AGBL4: variants seen among roughly 807,000 people sequenced by gnomAD.
The protein encoded by AGBL4 is AGBL carboxypeptidase 4.
AGBL4 carries 58 observed loss-of-function variants against 66.4 expected under a neutral mutation model. The ratio of observed to expected loss-of-function variants is 0.87; its 90% CI spans 0.71 to 1.09. The LOEUF is 1.09. AGBL4 is among the 50% of genes least tolerant of loss of function. The probability of loss-of-function intolerance (pLI) is 0.00; values close to 1 mark genes in which losing one functional copy is unlikely to be tolerated. For missense variants in AGBL4, 579 were observed against 631.0 expected, an observed-to-expected ratio of 0.92 and a Z score of 0.88; for synonymous variants, 234 against 222.9, an observed-to-expected ratio of 1.05 and a Z score of -0.44.
chr1:49,264,640 G>A (rs11205616), intron 3 of AGBL4, among the ~76,000 whole-genome samples: 4 of 151,902 alleles, frequency 2.6e-5, no homozygotes, highest in Non-Finnish European at 5.9e-5. Flanking sequence ...CTGCCTCCCA[G>A]GTGCAAGCAA....
At position 50,001,303 on chromosome 1, in the gene AGBL4, A is replaced by G. The variant is rs966654178; in HGVS notation, c.34+22460T>C. 6.2e-4 allele frequency among the ~76,000 whole-genome samples: 94 copies of G among 151,422 alleles called. 1 individual carries two copies. Among genetic ancestry groups the G allele is most frequent in the African/African-American group, 2.2e-3 (91 of 41,364 alleles). On this transcript the variant is annotated intron_variant, in intron 1 of 13. Coordinates refer to ENST00000371839, the MANE Select transcript of AGBL4 (RefSeq NM_032785.4). ...GGAGTAAGTAGACTAAGTAAACCCA[A>G]ATTAAGAGATAAAGCCTGATAGTAG...
chr1:49,808,679 T>G (rs1157829313), intron 2 of AGBL4, among the ~76,000 whole-genome samples: 2 of 152,196 alleles, frequency 1.3e-5, no homozygotes, highest in Admixed American at 6.6e-5. Context: ...TCCTAAATAC[T>G]TATAAATATT....
chr1:48,688,014 T>C (rs529462140), intron 6 of AGBL4, among the ~76,000 whole-genome samples: 2 of 152,336 alleles, frequency 1.3e-5, no homozygotes, highest in South Asian at 2.1e-4. Context: ...TTCACTAGAA[T>C]ATAGGCTTTA....
At chr1:49,240,551 CTTTT>C (rs34162300) in intron 4 of AGBL4, among the ~76,000 whole-genome samples, 1 of 123,710 alleles carries the variant, frequency 8.1e-6, no homozygotes, top group Admixed American at 8.2e-5. Flanking sequence ...ACTGCATTTT[CTTTT>C]TTTTTTTTTT....
At chr1:49,881,802 AG>A (rs1647352796) in intron 1 of AGBL4, among the ~76,000 whole-genome samples, 1 of 151,360 alleles carries the variant, frequency 6.6e-6, no homozygotes, top group Non-Finnish European at 1.5e-5. Flanking sequence ...TTGTCAGATG[AG>A]TAGGTTGCGA....
rs1249778739 is a variant in AGBL4, at chr1:49,003,398, C to CA, written c.594+42185dup. ...GGGCAACAAGAGCGAAACTCTATCT[C>CA]AAAAAAATAAATACATACATACAAA... On this transcript the variant is annotated intron_variant, in intron 5 of 13. Transcript: ENST00000371839. Among the ~76,000 whole-genome samples the CA allele has an allele frequency of 7.3e-4, 110 of 151,490 alleles. 1 individual carries two copies. Among genetic ancestry groups the CA allele is most frequent in the Non-Finnish European group, 1.2e-4 (8 of 67,868 alleles).
intron 2 of AGBL4, among the ~76,000 whole-genome samples, chr1:49,767,270 A>G (rs991884754): frequency 6.6e-6 from 1 of 152,124 alleles, no homozygotes; most frequent in Non-Finnish European, 1.5e-5. Flanking sequence ...TTTGGGCCAC[A>G]GTGGAATAAA....
At chr1:48,649,093 TG>T (rs1158759394) in intron 8 of AGBL4, among the ~76,000 whole-genome samples, 4 of 152,222 alleles carry the variant, frequency 2.6e-5, no homozygotes, top group African/African-American at 7.2e-5. Context: ...TGCCAGGTAC[TG>T]GGGATACAGA....
At chr1:48,581,162 T>A (rs1644734785) in intron 11 of AGBL4, among the ~76,000 whole-genome samples, 1 of 152,196 alleles carries the variant, frequency 6.6e-6, no homozygotes, top group Non-Finnish European at 1.5e-5. Flanking sequence ...TTTTCATCTG[T>A]CTTTTTCTAG....
intron 5 of AGBL4, among the ~76,000 whole-genome samples, chr1:48,874,269 C>G (rs776382141): frequency 3.3e-5 from 5 of 152,128 alleles, no homozygotes; most frequent in African/African-American, 7.2e-5. Context: ...ATTCCCTCCC[C>G]CAGCCATAGT....
intron 5 of AGBL4, among the ~76,000 whole-genome samples, chr1:48,874,211 G>T (rs770584064): frequency 6.6e-6 from 1 of 152,128 alleles, no homozygotes; most frequent in East Asian, 1.9e-4. Context: ...TGGCTTCAGG[G>T]CTCAAGCCCT....
At chr1:49,993,059 T>A (rs1054213727) in intron 1 of AGBL4, among the ~76,000 whole-genome samples, 1 of 152,162 alleles carries the variant, frequency 6.6e-6, no homozygotes, top group African/African-American at 2.4e-5. Flanking sequence ...GACTAAACCA[T>A]CCTTTCCCTA....
At chr1:49,046,928 C>CT (rs978123962) in intron 4 of AGBL4, among the ~76,000 whole-genome samples, 4 of 152,066 alleles carry the variant, frequency 2.6e-5, no homozygotes. Flanking sequence ...AAGCCAAAGA[C>CT]TACAGGGGCA....
intron 6 of AGBL4, among the ~76,000 whole-genome samples, chr1:48,697,150 G>A (rs1204295428): frequency 6.6e-6 from 1 of 152,090 alleles, no homozygotes; most frequent in African/African-American, 2.4e-5. Context: ...TCTTCACCAA[G>A]CAAGACAGAA....
At chr1:49,390,788 G>T (rs1644829166) in intron 3 of AGBL4, among the ~76,000 whole-genome samples, 1 of 152,142 alleles carries the variant, frequency 6.6e-6, no homozygotes, top group Non-Finnish European at 1.5e-5. Context: ...TACCTTGACA[G>T]CTTATTGTCT....
In AGBL4 at chr1:49,030,820, C is replaced by CAAA. The variant is rs34872551; in HGVS notation, c.594+14761_594+14763dup. 6.0e-4 allele frequency among the ~76,000 whole-genome samples: 37 copies of CAAA among 62,046 alleles called. No individual in the cohort carries two copies. The South Asian group carries it at 0.013, about 21-fold the overall frequency. 40.7% of individuals were successfully genotyped at this position (62,046 alleles called of 152,430 possible). A position where few individuals can be genotyped will look rare whatever the true frequency, so the allele number is the denominator to read the frequency against. On this transcript the variant is annotated intron_variant, in intron 5 of 13. Coordinates refer to ENST00000371839, the MANE Select transcript of AGBL4 (RefSeq NM_032785.4). ...TTTAGCAGCCCTGATTAAGTAGAGGCAAAAAAAAAAAAAAAAAGGAAAAAA... is the reference window on the plus strand; with the variant it reads ...TTTAGCAGCCCTGATTAAGTAGAGGCAAAAAAAAAAAAAAAAAAAAGGAAAAAA...
At chr1:49,936,654 C>A (rs1334724895) in intron 1 of AGBL4, among the ~76,000 whole-genome samples, 1 of 152,192 alleles carries the variant, frequency 6.6e-6, no homozygotes, top group Non-Finnish European at 1.5e-5. Flanking sequence ...AGAAACTCTA[C>A]AAGCCAGAAG....
At chr1:48,695,412 G>A (rs1415758290) in intron 6 of AGBL4, among the ~76,000 whole-genome samples, 2 of 152,180 alleles carry the variant, frequency 1.3e-5, no homozygotes, top group African/African-American at 2.4e-5. Context: ...TTGACTTCAC[G>A]CTTTAGCCCT....
Position 49,397,467 on chromosome 1 carries a change from A to G in AGBL4, c.283-151603T>C, listed in dbSNP as rs538691177. The stretch of plus-strand genomic sequence containing the variant: ...AGGGAATAGCAGAAGTCAGACCCCT[A>G]TAACTTGCAAGACCTTACTTTACTG... On this transcript the variant is annotated intron_variant, in intron 3 of 13. Coordinates refer to ENST00000371839, the MANE Select transcript of AGBL4 (RefSeq NM_032785.4). Among the ~76,000 whole-genome samples the G allele has an allele frequency of 3.3e-5, 5 of 152,204 alleles. No homozygotes were observed. The South Asian group carries it at 8.3e-4, about 25-fold the overall frequency.
Sources: allele counts gnomAD v4.1 joint callset (sites outside exome capture counted in the v4.1 genomes callset), GRCh38; gene constraint gnomAD v4.1.1; transcripts MANE v1.5; gene names NCBI Gene and HGNC (gene_info 2026-07-23, HGNC 2026-07-21).